TRIM16: variants seen among roughly 807,000 people sequenced by gnomAD.
TRIM16 encodes tripartite motif-containing protein 16.
Under a neutral mutation model 50.4 loss-of-function variants are expected in TRIM16, and 33 were observed. That is an observed-to-expected ratio of 0.65 (90% CI 0.50 to 0.88). The LOEUF (loss-of-function observed/expected upper bound fraction) is 0.88. TRIM16 is among the 40% of genes least tolerant of loss of function. The pLI, the probability that TRIM16 is intolerant of heterozygous loss-of-function variation, is 0.00. For synonymous variants in TRIM16, 229 were observed against 270.7 expected (o/e 0.85, Z 1.51); for missense variants, 581 against 686.8 (o/e 0.85, Z 1.72).
intron 7 of TRIM16, 43 bp downstream of exon 7, chr17:15,651,048 C>T: frequency 6.4e-7 from 1 of 1,569,068 alleles, no homozygotes; most frequent in South Asian, 1.2e-5. Context: ...CACCATCCCC[C>T]ACCGCCCTCT....
At position 15,633,621 on chromosome 17, in the gene TRIM16, C is replaced by T. The variant is rs1227314073; in HGVS notation, c.850-947G>A. On this transcript the variant is annotated intron_variant, in intron 9 of 11. Coordinates refer to ENST00000649191, the MANE Select transcript of TRIM16 (RefSeq NM_001348119.1). ...ATGGCGCAATCTCGGCTCACTGCAA[C>T]CTCTTGCCTGCTAGGTTCAAGCGAT... Among the ~76,000 whole-genome samples the T allele has an allele frequency of 7.4e-4, 107 of 144,118 alleles. 4 individuals are homozygous for T. The highest frequency in any genetic ancestry group is 1.7e-4 in the Non-Finnish European group (11 of 65,946). The allele number at this position is 144,118 out of a possible 152,430, so 94.5% of individuals were successfully genotyped here.
chr17:15,636,600 T>C (rs1433224660), intron 8 of TRIM16, among the ~76,000 whole-genome samples: 3 of 148,204 alleles, frequency 2.0e-5, no homozygotes, highest in South Asian at 4.4e-4. Context: ...GTCTACTTGA[T>C]AGTCATATTT....
chr17:15,644,549 T>C (rs773651848), intron 7 of TRIM16, among the ~76,000 whole-genome samples: 6 of 152,172 alleles, frequency 3.9e-5, no homozygotes, highest in Non-Finnish European at 5.9e-5. Flanking sequence ...TCACTGGCCA[T>C]TGGTGATCCT....
chr17:15,650,179 C>T (rs975077523), intron 7 of TRIM16, among the ~76,000 whole-genome samples: 1 of 152,114 alleles, frequency 6.6e-6, no homozygotes, highest in Non-Finnish European at 1.5e-5. Flanking sequence ...GAACATTTGC[C>T]AAGAAATGGC....
intron 7 of TRIM16, among the ~76,000 whole-genome samples, chr17:15,647,875 T>A (rs1279017834): frequency 6.8e-6 from 1 of 147,534 alleles, no homozygotes; most frequent in Non-Finnish European, 1.5e-5. Context: ...ATAGCAAGCC[T>A]GAGATTCAGA....
intron 10 of TRIM16, chr17:15,631,942 G>C: frequency 1.8e-6 from 1 of 548,550 alleles, no homozygotes; most frequent in East Asian, 3.2e-5. Flanking sequence ...AAAAGTATAG[G>C]CATCAGCAAC....
intron 6 of TRIM16, chr17:15,654,220 T>G (rs774018245): frequency 5.3e-5 from 8 of 152,270 alleles, no homozygotes; most frequent in Non-Finnish European, 1.2e-4. Flanking sequence ...ACCGAAGACT[T>G]TACAAATTCA....
At chr17:15,637,420 C>T (rs1986851933) in intron 8 of TRIM16, among the ~76,000 whole-genome samples, 1 of 119,690 alleles carries the variant, frequency 8.4e-6, no homozygotes, top group African/African-American at 3.4e-5. Context: ...TCCGCCCGGC[C>T]AGCCGCCCCA....
intron 3 of TRIM16, among the ~76,000 whole-genome samples, chr17:15,682,470 A>G (rs1264465424): frequency 6.6e-6 from 1 of 152,222 alleles, no homozygotes; most frequent in Non-Finnish European, 1.5e-5. Context: ...GTCCCTTCTA[A>G]TTTGGGGGAT....
chr17:15,649,081 G>C lies in TRIM16; in HGVS notation c.519+2010C>G, dbSNP rs78206294. ...TACACAACTCCTCCTGCTTGGAATT[G>C]CAATTACCCCACATCTCTCTAATAC... On this transcript the variant is annotated intron_variant, in intron 7 of 11. Coordinates refer to ENST00000649191, the MANE Select transcript of TRIM16 (RefSeq NM_001348119.1). Among the ~76,000 whole-genome samples the C allele has an allele frequency of 4.1e-3, 631 of 152,218 alleles. 2 individuals are homozygous for C. The highest frequency in any genetic ancestry group is 0.014 in the African/African-American group (601 of 41,530).
intron 6 of TRIM16, among the ~76,000 whole-genome samples, chr17:15,674,650 C>T (rs1196531574): frequency 6.6e-6 from 1 of 152,156 alleles, no homozygotes; most frequent in Non-Finnish European, 1.5e-5. Flanking sequence ...GCCCCATTCC[C>T]TAGCTACTTT....
At chr17:15,663,886 T>C (rs909819869) in intron 6 of TRIM16, among the ~76,000 whole-genome samples, 5 of 152,208 alleles carry the variant, frequency 3.3e-5, no homozygotes, top group Non-Finnish European at 7.3e-5. Context: ...GGATGCAGTA[T>C]TGGGTTATGG....
rs141062181 is a variant in TRIM16, at chr17:15,670,554, C to A, written c.-338+6622G>T. 5.8e-3 allele frequency among the ~76,000 whole-genome samples: 885 copies of A among 152,256 alleles called. 8 individuals are homozygous for A. The highest frequency in any genetic ancestry group is 0.02 in the African/African-American group (843 of 41,524). ...CTGCCCTCACCCCAAATAGCACGGG[C>A]ATATCATTTAACCTTTCCAGATCTC... On this transcript the variant is annotated intron_variant, in intron 6 of 11. Transcript: ENST00000649191.
At chr17:15,650,301 G>A (rs939888875) in intron 7 of TRIM16, among the ~76,000 whole-genome samples, 3 of 152,152 alleles carry the variant, frequency 2.0e-5, no homozygotes, top group Non-Finnish European at 2.9e-5. Context: ...AAAAGTGTTC[G>A]CTGAAAGTCA....
At chr17:15,636,716 C>G (rs1395177729) in intron 8 of TRIM16, among the ~76,000 whole-genome samples, 1 of 145,728 alleles carries the variant, frequency 6.9e-6, no homozygotes, top group Non-Finnish European at 1.5e-5. Flanking sequence ...CTGAGTCCAT[C>G]AGAGCCAAAT....
intron 6 of TRIM16, among the ~76,000 whole-genome samples, chr17:15,665,885 C>T (rs1988476538): frequency 6.6e-6 from 1 of 152,042 alleles, no homozygotes; most frequent in East Asian, 1.9e-4. Flanking sequence ...GAATCTAATG[C>T]ATCCAAAATT....
chr17:15,682,793 T>G, intron 3 of TRIM16, 61 bp downstream of exon 3: 1 of 1,358,228 alleles, frequency 7.4e-7, no homozygotes, highest in Non-Finnish European at 9.5e-7. Context: ...ATCTTCTTTT[T>G]TCAGAGTTTC....
intron 6 of TRIM16, among the ~76,000 whole-genome samples, chr17:15,665,402 A>G (rs7211566): frequency 0.13 from 16,003 of 121,956 alleles, 902 homozygotes; most frequent in African/African-American, 0.27. Context: ...CCAGCTACTC[A>G]GGAGGCTGAG....
Position 15,677,684 on chromosome 17 carries a change from T to C in TRIM16, c.-552A>G. 2 of 1,018,584 alleles carry C rather than the reference T, an allele frequency of 2.0e-6. No homozygotes were observed. Among genetic ancestry groups the C allele is most frequent in the Non-Finnish European group, 2.4e-6 (2 of 846,474 alleles). The allele number at this position is 1,018,584 out of a possible 1,614,324, so 63.1% of individuals were successfully genotyped here. On this transcript the variant is annotated 5_prime_UTR_variant, in exon 5 of 12. Coordinates refer to ENST00000649191, the MANE Select transcript of TRIM16 (RefSeq NM_001348119.1). ...CCTAGTGAAGTTCACAGCCACATCC[T>C]TGAATGACATAAAGCCCTGAAACAC...
Sources: gnomAD v4.1 joint callset for allele counts (sites outside exome capture counted in the v4.1 genomes callset) on GRCh38, gnomAD v4.1.1 for gene constraint, MANE v1.5 for transcripts, NCBI Gene and HGNC (gene_info 2026-07-23, HGNC 2026-07-21) for gene names.